Variants in PACRG observed in about 807,000 individuals in gnomAD.
The protein encoded by PACRG is parkin coregulated.
A neutral mutation model predicts 29.7 loss-of-function variants in PACRG; 29 were observed. The observed-to-expected ratio is 0.98, with a 90% CI of 0.73 to 1.33. The LOEUF (loss-of-function observed/expected upper bound fraction) is 1.33, where lower values mean the gene tolerates loss of function less well. PACRG is among the 40% of genes most tolerant of loss of function. PACRG has a pLI of 0.00. For missense variants in PACRG, 279 were observed against 316.2 expected (o/e 0.88, Z 0.89); for synonymous variants, 116 against 118.7 (o/e 0.98, Z 0.15).
Position 162,885,790 on chromosome 6 carries a change from A to G in PACRG, c.291+71509A>G, listed in dbSNP as rs200765368. Reference sequence around the variant, plus strand: ...CGTGCATGTGTGTGTGTGTGTGTGTATATATATAAAATAATTATTACTGTT... The same window carrying G: ...CGTGCATGTGTGTGTGTGTGTGTGTGTATATATAAAATAATTATTACTGTT... On this transcript the variant is annotated intron_variant, in intron 2 of 4. Coordinates refer to ENST00000366888, the MANE Select transcript of PACRG (RefSeq NM_001080379.2). Among the ~76,000 whole-genome samples, 143 of 151,694 alleles carry G rather than the reference A, an allele frequency of 9.4e-4. 1 individual carries two copies. In the Middle Eastern group the frequency reaches 0.01, roughly 11 times the overall value.
intron 1 of PACRG, among the ~76,000 whole-genome samples, chr6:162,805,837 A>T (rs959112452): frequency 6.6e-6 from 1 of 152,074 alleles, no homozygotes; most frequent in East Asian, 1.9e-4. Flanking sequence ...TCACATCTTC[A>T]CTTCTAATTC....
In PACRG at chr6:163,148,207, C is replaced by G. The variant is rs146627938; in HGVS notation, c.613+58799C>G. Among the ~76,000 whole-genome samples, 679 of 152,274 alleles carry G rather than the reference C, an allele frequency of 4.5e-3. 6 individuals are homozygous for G. Among genetic ancestry groups the G allele is most frequent in the African/African-American group, 0.016 (649 of 41,548 alleles). The stretch of plus-strand genomic sequence containing the variant: ...TTGGCAGCCTGAGTGTTTTGAGCAT[C>G]CATGGCCATTAGAGGCAGTCTTTCA... On this transcript the variant is annotated intron_variant, in intron 4 of 4. Transcript: ENST00000366888.
intron 1 of PACRG, among the ~76,000 whole-genome samples, chr6:162,744,996 T>A (rs1780876930): frequency 6.6e-6 from 1 of 152,162 alleles, no homozygotes; most frequent in Admixed American, 6.5e-5. Flanking sequence ...TTATACTTCC[T>A]TTTGGGCCCA....
intron 4 of PACRG, among the ~76,000 whole-genome samples, chr6:163,303,944 A>G (rs1159631289): frequency 4.2e-5 from 6 of 143,886 alleles, no homozygotes; most frequent in Non-Finnish European, 7.5e-5. Flanking sequence ...TGAACAGGGA[A>G]GGTGGAGGTT....
At chr6:163,163,231 T>C (rs1248218322) in intron 4 of PACRG, among the ~76,000 whole-genome samples, 1 of 152,138 alleles carries the variant, frequency 6.6e-6, no homozygotes, top group Non-Finnish European at 1.5e-5. Context: ...ATTCAGCTGC[T>C]TTATCAGCTC....
chr6:162,882,775 C>T (rs1298358266), intron 2 of PACRG, among the ~76,000 whole-genome samples: 1 of 152,176 alleles, frequency 6.6e-6, no homozygotes, highest in Admixed American at 6.5e-5. Context: ...CAAACTAACC[C>T]GACTGTCCAG....
At chr6:163,220,836 C>T (rs932823410) in intron 4 of PACRG, among the ~76,000 whole-genome samples, 6 of 152,126 alleles carry the variant, frequency 3.9e-5, no homozygotes, top group Admixed American at 6.5e-5. Flanking sequence ...TAAGAGCTTA[C>T]CTGGATTTCT....
rs754031162 is a variant in PACRG, at chr6:162,740,466, A to C, written c.156+12075A>C. Among the ~76,000 whole-genome samples, 4 of 151,174 alleles carry C rather than the reference A, an allele frequency of 2.6e-5. No individual in the cohort carries two copies. The East Asian group carries it at 5.9e-4, about 22-fold the overall frequency. ...GCTGGGACTACAGGCGCCCACCACC[A>C]CCCCCAGCTAATTTTTTGTATTTTT... is the stretch of plus-strand genomic sequence containing the variant. On this transcript the variant is annotated intron_variant, in intron 1 of 4. Coordinates refer to ENST00000366888, the MANE Select transcript of PACRG (RefSeq NM_001080379.2).
chr6:162,931,716 C>T (rs977312334), intron 2 of PACRG, among the ~76,000 whole-genome samples: 5 of 152,028 alleles, frequency 3.3e-5, no homozygotes, highest in African/African-American at 1.2e-4. Context: ...GATACCACTA[C>T]ACACCTATTA....
intron 2 of PACRG, among the ~76,000 whole-genome samples, chr6:162,967,103 C>T (rs1248996350): frequency 1.4e-5 from 2 of 144,102 alleles, no homozygotes; most frequent in African/African-American, 5.7e-5. Context: ...GTGTTTTAAA[C>T]TGATAATGCT....
intron 2 of PACRG, among the ~76,000 whole-genome samples, chr6:162,828,328 T>C (rs568839889): frequency 1.4e-3 from 220 of 152,340 alleles, no homozygotes; most frequent in African/African-American, 5.1e-3. Context: ...AAAGTGTTTG[T>C]TCATTTAAAC....
At chr6:162,775,506 C>T (rs941947120) in intron 1 of PACRG, among the ~76,000 whole-genome samples, 2 of 152,054 alleles carry the variant, frequency 1.3e-5, no homozygotes, top group Non-Finnish European at 2.9e-5. Flanking sequence ...AACTTAAATG[C>T]CCTTTGATAA....
intron 4 of PACRG, chr6:163,312,779 G>T (rs1266589385): frequency 4.5e-6 from 2 of 439,628 alleles, no homozygotes; most frequent in Admixed American, 2.5e-5. Flanking sequence ...TTTGAGACAG[G>T]GTCTTACTCT....
intron 4 of PACRG, among the ~76,000 whole-genome samples, chr6:163,293,092 A>C (rs780735360): frequency 2.0e-5 from 3 of 152,172 alleles, no homozygotes; most frequent in Non-Finnish European, 2.9e-5. Flanking sequence ...ACTTTTCTTT[A>C]TTCTTAACAT....
At chr6:163,186,126 A>G (rs538105973) in intron 4 of PACRG, among the ~76,000 whole-genome samples, 1 of 152,296 alleles carries the variant, frequency 6.6e-6, no homozygotes, top group Admixed American at 6.5e-5. Flanking sequence ...GCCCCCTTAT[A>G]GAATCTGCAT....
chr6:163,231,748 A>G (rs753775678), intron 4 of PACRG, among the ~76,000 whole-genome samples: 1 of 152,164 alleles, frequency 6.6e-6, no homozygotes, highest in Non-Finnish European at 1.5e-5. Flanking sequence ...ATGAGCTTGC[A>G]TAGTTTCAGA....
intron 2 of PACRG, among the ~76,000 whole-genome samples, chr6:162,887,660 T>A (rs757123261): frequency 6.6e-6 from 1 of 152,160 alleles, no homozygotes; most frequent in Non-Finnish European, 1.5e-5. Flanking sequence ...AACTATTCAT[T>A]TCTTGTCTAA....
At chr6:162,737,757 T>A (rs1780276885) in intron 1 of PACRG, among the ~76,000 whole-genome samples, 1 of 152,180 alleles carries the variant, frequency 6.6e-6, no homozygotes, top group South Asian at 2.1e-4. Context: ...AACATCATTT[T>A]GAGTTGGAAA....
intron 2 of PACRG, among the ~76,000 whole-genome samples, chr6:162,933,764 G>GA (rs1370543817): frequency 1.3e-5 from 2 of 151,318 alleles, no homozygotes; most frequent in African/African-American, 4.9e-5. Flanking sequence ...GTAATTTTGG[G>GA]GAAAAAAAAG....
Sources: gnomAD v4.1 joint callset for allele counts (sites outside exome capture counted in the v4.1 genomes callset) on GRCh38, gnomAD v4.1.1 for gene constraint, MANE v1.5 for transcripts, NCBI Gene and HGNC (gene_info 2026-07-23, HGNC 2026-07-21) for gene names.